POLD2: variants seen among roughly 807,000 people sequenced by gnomAD.
The protein encoded by POLD2 is DNA polymerase delta subunit 2.
A neutral mutation model predicts 48.8 loss-of-function variants in POLD2; 31 were observed. The observed-to-expected ratio is 0.64, with a 90% CI of 0.48 to 0.86. The LOEUF (loss-of-function observed/expected upper bound fraction) is 0.86. POLD2 is among the 40% of genes least tolerant of loss of function. The pLI is 0.00. For synonymous variants in POLD2, 233 were observed against 256.3 expected, an observed-to-expected ratio of 0.91 and a Z score of 0.87; for missense variants, 455 against 610.1, an observed-to-expected ratio of 0.75 and a Z score of 2.68.
chr7:44,116,975 C>T lies in POLD2; in HGVS notation c.622G>A (p.Gly208Arg), dbSNP rs763706263. 2 of 1,613,460 alleles carry T rather than the reference C, an allele frequency of 1.2e-6. No individual in the cohort carries two copies. The highest frequency in any genetic ancestry group is 1.7e-6 in the Non-Finnish European group (2 of 1,179,932). ...TGGGTGCCCAGCAGGCTCTCGCCTC[C>T]ACCGCCACCCAGGCCCAGGCCGGAC... Reference protein sequence around the residue: ...LVSGLGLGGGGGESLLGTQLL... With the variant: ...LVSGLGLGGGRGESLLGTQLL... The change falls in exon 6 of 11, where the codon GGA becomes AGA. Residue 208 changes from glycine to arginine, a missense_variant. Gly to Arg is a moderately radical substitution (Grantham distance 125). Transcript: ENST00000610533. The surrounding 1 kb of genome is among the most constrained non-coding windows in gnomAD (Gnocchi z 6.1).
In POLD2 at chr7:44,118,071, C is replaced by A; in HGVS notation, c.221-7G>T. On this transcript the variant is annotated splice_region_variant and splice_polypyrimidine_tract_variant and intron_variant, in intron 2 of 10. Coordinates refer to ENST00000610533, the MANE Select transcript of POLD2 (RefSeq NM_006230.4). The stretch of plus-strand genomic sequence containing the variant: ...TTCACTCCCACTCCACTGCCTGGGA[C>A]ACGAGGGGTACAGACTCAGAGATGA... 4 of 1,613,856 alleles carry A rather than the reference C, an allele frequency of 2.5e-6. No individual in the cohort carries two copies. Among genetic ancestry groups the A allele is most frequent in the Non-Finnish European group, 3.4e-6 (4 of 1,179,832 alleles).
intron 9 of POLD2, 45 bp from the exon 10 acceptor site, chr7:44,115,441 T>A: frequency 8.4e-7 from 1 of 1,192,768 alleles, no homozygotes; most frequent in Non-Finnish European, 1.3e-6. Context: ...GCCTCAGCAC[T>A]AGCACTCTGC....
Position 44,116,598 on chromosome 7 carries a change from G to T in POLD2, c.781-88C>A. 1 of 1,163,664 alleles carries T rather than the reference G, an allele frequency of 8.6e-7. No homozygotes were observed. The highest frequency in any genetic ancestry group is 1.3e-6 in the Non-Finnish European group (1 of 799,948). The allele number at this position is 1,163,664 out of a possible 1,614,324, so 72.1% of individuals were successfully genotyped here. A position where few individuals can be genotyped will look rare whatever the true frequency, so the allele number is the denominator to read the frequency against. On this transcript the variant is annotated intron_variant, in intron 6 of 10. Coordinates refer to ENST00000610533, the MANE Select transcript of POLD2 (RefSeq NM_006230.4). This position sits in a 1 kb window ranked among gnomAD's most constrained non-coding sequence, Gnocchi z 6.1. ...GCCCCACCAGCTGGAAGATGCAGTT[G>T]TTGTCCCATAGACCCTCACTCCCTT...
At chr7:44,118,614 G>A (rs1216487671) in intron 2 of POLD2, among the ~76,000 whole-genome samples, 3 of 152,164 alleles carry the variant, frequency 2.0e-5, no homozygotes, top group South Asian at 2.1e-4. Context: ...CCGGGTTCAC[G>A]CCATTCTCCT....
At position 44,121,406 on chromosome 7, in the gene POLD2, C is replaced by CA. The variant is rs1448757050; in HGVS notation, c.220+427dup. 6.6e-6 allele frequency among the ~76,000 whole-genome samples: 1 copy of CA among 152,194 alleles called. No homozygotes were observed. Among genetic ancestry groups the CA allele is most frequent in the East Asian group, 1.9e-4 (1 of 5,186 alleles). ...TATGGGGGCCAGGAGGAGAGGCAAA[C>CA]AGACATGAGTGAACAGAGGGGGTCC... On this transcript the variant is annotated intron_variant, in intron 2 of 10. Coordinates refer to ENST00000610533, the MANE Select transcript of POLD2 (RefSeq NM_006230.4). The surrounding 1 kb of genome is among the most constrained non-coding windows in gnomAD (Gnocchi z 4.5).
Position 44,116,836 on chromosome 7 carries a change from C to T in POLD2, c.761G>A (p.Ser254Asn). ...AGNLLSHSTQ[S>N]RDSINKAKYL... is the part of the protein sequence containing the mutation. ...CCATACCTTATTGATAGAATCCCTGCTCTGGGTGCTGTGGCTGAGGAGGTT... is the reference window on the plus strand; with the variant it reads ...CCATACCTTATTGATAGAATCCCTGTTCTGGGTGCTGTGGCTGAGGAGGTT... The change falls in exon 6 of 11, where the codon AGC (serine) becomes AAC (asparagine). Residue 254 changes from serine to asparagine, a missense_variant. Around this residue, in one of 3 missense-constraint regions of POLD2, gnomAD observed 349 missense variants for 437.4 expected, o/e 0.80. Coordinates refer to ENST00000610533, the MANE Select transcript of POLD2 (RefSeq NM_006230.4). The surrounding 1 kb of genome is among the most constrained non-coding windows in gnomAD (Gnocchi z 6.1). 6.2e-7 allele frequency: 1 copy of T among 1,613,914 alleles called. No individual in the cohort carries two copies. Among genetic ancestry groups the T allele is most frequent in the Non-Finnish European group, 8.5e-7 (1 of 1,180,012 alleles).
rs1400097780 is a variant in POLD2 at position 44,117,167 on chromosome 7, G to A, written c.547C>T (p.Pro183Ser). ...TCAAGTGGGGGTGCGGGCTTCTGGG[G>A]AGCAAGGTCAGCAAAGCAATAGTCC... ...VEDYCFADLAPQKPAPPLDTD... is the reference protein window; with the variant it reads ...VEDYCFADLASQKPAPPLDTD... The change falls in exon 5 of 11, where the codon CCC (proline) becomes TCC (serine). Residue 183 changes from proline to serine, a missense_variant. By Grantham distance (74) the Pro-to-Ser change is moderately conservative. This residue lies in a region of POLD2 where 349 missense variants were observed against 437.4 expected (regional missense o/e 0.80). Transcript: ENST00000610533. 9.9e-6 allele frequency: 16 copies of A among 1,614,068 alleles called. 1 individual carries two copies. The highest frequency in any genetic ancestry group is 6.7e-5 in the East Asian group (3 of 44,866).
At position 44,116,513 on chromosome 7, in the gene POLD2, G is replaced by T; in HGVS notation, c.781-3C>A. On this transcript the variant is annotated splice_region_variant and splice_polypyrimidine_tract_variant and intron_variant, in intron 6 of 10. Coordinates refer to ENST00000610533, the MANE Select transcript of POLD2 (RefSeq NM_006230.4). This position sits in a 1 kb window ranked among gnomAD's most constrained non-coding sequence, Gnocchi z 6.1. ...GTTTTCTTGGTGAGGTATTTGGCCTGGAATAGAAGCCCAGAAGGCCATCAG... is the reference window on the plus strand; with the variant it reads ...GTTTTCTTGGTGAGGTATTTGGCCTTGAATAGAAGCCCAGAAGGCCATCAG... 1 of 1,569,822 alleles carries T rather than the reference G, an allele frequency of 6.4e-7. No individual in the cohort carries two copies. Among genetic ancestry groups the T allele is most frequent in the South Asian group, 1.2e-5 (1 of 85,434 alleles).
chr7:44,118,102 C>T (rs1170630870), intron 2 of POLD2, 38 bp from the exon 3 acceptor site: 4 of 1,605,150 alleles, frequency 2.5e-6, no homozygotes, highest in Middle Eastern at 1.7e-4. Flanking sequence ...GATGAAGTAG[C>T]CCCCCCGCCC....
In POLD2 at chr7:44,116,468, C is replaced by T. The variant is rs1233204825; in HGVS notation, c.823G>A (p.Ala275Thr). Residue 275 changes from alanine to threonine, a missense_variant, in exon 7 of 11, where the codon GCT (alanine) becomes ACT (threonine). Transcript: ENST00000610533. The surrounding 1 kb of genome is among the most constrained non-coding windows in gnomAD (Gnocchi z 6.1). ...TKKTQAASVE[A>T]VKMLDEILLQ... The stretch of plus-strand genomic sequence containing the variant: ...AGGATCTCATCCAGCATCTTAACAG[C>T]CTCCACGCTGGCTGCCTGGGTTTTC... 6.3e-7 allele frequency: 1 copy of T among 1,584,914 alleles called. No homozygotes were observed. The highest frequency in any genetic ancestry group is 1.3e-5 in the African/African-American group (1 of 74,468).
Position 44,121,814 on chromosome 7 carries a change from C to G in POLD2, c.220+20G>C. The G allele has an allele frequency of 6.2e-7, 1 of 1,603,376 alleles. No homozygotes were observed. Among genetic ancestry groups the G allele is most frequent in the Non-Finnish European group, 8.5e-7 (1 of 1,173,426 alleles). On this transcript the variant is annotated intron_variant, in intron 2 of 10. Coordinates refer to ENST00000610533, the MANE Select transcript of POLD2 (RefSeq NM_006230.4). The surrounding 1 kb of genome is among the most constrained non-coding windows in gnomAD (Gnocchi z 4.5). ...TTCAGGGATGCTGTGGGGGAAGCAC[C>G]TTCCCAAACTCTCACTTACCCCAGT...
At chr7:44,122,394 G>T (rs2128813035) in intron 1 of POLD2, 4 of 1,150,678 alleles carry the variant, frequency 3.5e-6, no homozygotes, top group Middle Eastern at 3.5e-4. Flanking sequence ...AACTACCAGG[G>T]TCTCAATCAA....
chr7:44,120,958 T>C, intron 2 of POLD2, among the ~76,000 whole-genome samples: 1 of 152,156 alleles, frequency 6.6e-6, no homozygotes, highest in Non-Finnish European at 1.5e-5. Flanking sequence ...TGCCTGCCTA[T>C]AACGAGAATT....
Position 44,116,202 on chromosome 7 carries a change from A to C in POLD2, c.932T>G (p.Leu311Arg). 6.2e-7 allele frequency: 1 copy of C among 1,613,866 alleles called. No individual in the cohort carries two copies. The highest frequency in any genetic ancestry group is 1.3e-5 in the African/African-American group (1 of 74,986). Reference protein sequence around the residue: ...PTNYTLPQQPLHPCMFPLATA... With the variant: ...PTNYTLPQQPRHPCMFPLATA... The stretch of plus-strand genomic sequence containing the variant: ...GGCCAGCGGGAACATGCAGGGGTGG[A>C]GGGGCTGCTGGGGGAGCGTGTAATT... Residue 311 changes from leucine to arginine, a missense_variant, in exon 8 of 11, where the codon CTC becomes CGC. This residue lies in a region of POLD2 where 349 missense variants were observed against 437.4 expected (regional missense o/e 0.80). Coordinates refer to ENST00000610533, the MANE Select transcript of POLD2 (RefSeq NM_006230.4). The surrounding 1 kb of genome is among the most constrained non-coding windows in gnomAD (Gnocchi z 6.1).
chr7:44,121,804 G>T lies in POLD2; in HGVS notation c.220+30C>A. ...CACTTCTAAGTTCAGGGATGCTGTG[G>T]GGGAAGCACCTTCCCAAACTCTCAC... On this transcript the variant is annotated intron_variant, in intron 2 of 10. Coordinates refer to ENST00000610533, the MANE Select transcript of POLD2 (RefSeq NM_006230.4). This position sits in a 1 kb window ranked among gnomAD's most constrained non-coding sequence, Gnocchi z 4.5. 1 of 1,595,756 alleles carries T rather than the reference G, an allele frequency of 6.3e-7. No individual in the cohort carries two copies. The highest frequency in any genetic ancestry group is 1.1e-5 in the South Asian group (1 of 89,442).
At chr7:44,123,252 C>A in intron 1 of POLD2, 1 of 1,351,756 alleles carries the variant, frequency 7.4e-7, no homozygotes, top group Middle Eastern at 2.7e-4. Context: ...ACACAGGCTC[C>A]GCACACGTGT....
In POLD2 at chr7:44,116,127, A is replaced by G. The variant is rs767232399; in HGVS notation, c.1007T>C (p.Ile336Thr). ...CTGTGCCAGCTACCTGACTCCATCA[A>G]TGGTGGCCTGGTAGGGGTTGGTGAC... is the stretch of plus-strand genomic sequence containing the variant. ...QLVTNPYQATIDGVRFLGTSG... is the reference protein window; with the variant it reads ...QLVTNPYQATTDGVRFLGTSG... The change falls in exon 8 of 11, where the codon ATT becomes ACT. Residue 336 changes from isoleucine (I) to threonine (T), a missense_variant. Physicochemically the swap from Ile to Thr is moderately conservative, Grantham distance 89 (BLOSUM62 -1). Transcript: ENST00000610533. The surrounding 1 kb of genome is among the most constrained non-coding windows in gnomAD (Gnocchi z 6.1). 2.1e-5 allele frequency: 34 copies of G among 1,613,504 alleles called. No homozygotes were observed. The highest frequency in any genetic ancestry group is 1.8e-4 in the Middle Eastern group (1 of 5,688).
rs2096238924 is a variant in POLD2 at position 44,116,216 on chromosome 7, G to T, written c.918C>A (p.Leu306=). The change falls in exon 8 of 11, where the codon CTC becomes CTA. Residue 306 remains leucine, a synonymous_variant. Transcript: ENST00000610533. This position sits in a 1 kb window ranked among gnomAD's most constrained non-coding sequence, Gnocchi z 6.1. ...PGEFDPTNYT[L]PQQPLHPCMF... ...TGCAGGGGTGGAGGGGCTGCTGGGG[G>T]AGCGTGTAATTGGTGGGATCAAACT... 1 of 1,613,686 alleles carries T rather than the reference G, an allele frequency of 6.2e-7. No homozygotes were observed. Among genetic ancestry groups the T allele is most frequent in the Admixed American group, 1.7e-5 (1 of 59,974 alleles).
chr7:44,123,639 G>A, upstream of POLD2: 1 of 1,385,906 alleles, frequency 7.2e-7, no homozygotes, highest in Non-Finnish European at 9.3e-7. Flanking sequence ...CGCCCCGTCC[G>A]TCACCAGGCG....
Sources: gnomAD v4.1 joint callset for allele counts (sites outside exome capture counted in the v4.1 genomes callset) on GRCh38, gnomAD v4.1.1 for gene constraint, gnomAD v4.1.1 regional missense constraint, Gnocchi (gnomAD v3.1) non-coding constraint, MANE v1.5 for transcripts, NCBI Gene and HGNC (gene_info 2026-07-23, HGNC 2026-07-21) for gene names.